The following GNAZ variants were observed in gnomAD, a reference collection of about 807,000 sequenced individuals.
GNAZ encodes G protein subunit alpha z.
In GNAZ, 3 loss-of-function variants were observed where a neutral mutation model predicts 25.4. The ratio of observed to expected loss-of-function variants is 0.12; its 90% CI spans 0.05 to 0.30. GNAZ has a LOEUF of 0.30. GNAZ is among the 10% of genes least tolerant of loss of function. The probability of loss-of-function intolerance (pLI) is 1.00; values close to 1 mark genes in which losing one functional copy is unlikely to be tolerated. For missense variants in GNAZ, 241 were observed against 501.8 expected (o/e 0.48, Z 4.97); for synonymous variants, 211 against 205.7 (o/e 1.03, Z -0.22).
chr22:23,075,262 C>CA (rs1374437595), intron 1 of GNAZ, among the ~76,000 whole-genome samples: 1 of 152,174 alleles, frequency 6.6e-6, no homozygotes, highest in African/African-American at 2.4e-5. Context: ...CCGCTGGAGT[C>CA]AGTCACACCC....
intron 1 of GNAZ, among the ~76,000 whole-genome samples, chr22:23,089,402 G>A (rs2068901538): frequency 6.6e-6 from 1 of 152,178 alleles, no homozygotes; most frequent in African/African-American, 2.4e-5. Flanking sequence ...GTCCTGGCGA[G>A]CTCAGGCTAT....
chr22:23,122,913 T>C (rs2070072882), intron 2 of GNAZ, among the ~76,000 whole-genome samples, 174 bp from the exon 3 acceptor site: 1 of 152,096 alleles, frequency 6.6e-6, no homozygotes, highest in Admixed American at 6.5e-5. Context: ...GCTATTTCCG[T>C]GGGAGGTGGG....
At chr22:23,109,423 T>A (rs761442386) in intron 2 of GNAZ, among the ~76,000 whole-genome samples, 1 of 151,738 alleles carries the variant, frequency 6.6e-6, no homozygotes, top group Non-Finnish European at 1.5e-5. Flanking sequence ...TTTTTGGGAG[T>A]CCTGAATCTG....
chr22:23,106,714 G>T (rs545754426), intron 2 of GNAZ, among the ~76,000 whole-genome samples: 1 of 152,342 alleles, frequency 6.6e-6, no homozygotes, highest in Admixed American at 6.5e-5. Context: ...AGAGCCTGGC[G>T]CAGGGCATGC....
At chr22:23,084,374 A>G (rs571757761) in intron 1 of GNAZ, among the ~76,000 whole-genome samples, 87 of 152,306 alleles carry the variant, frequency 5.7e-4, no homozygotes, top group Non-Finnish European at 9.4e-4. Flanking sequence ...CCTGCAGGCT[A>G]ATGTAAGTGT....
chr22:23,072,445 G>A (rs2068403484), intron 1 of GNAZ, among the ~76,000 whole-genome samples: 1 of 152,212 alleles, frequency 6.6e-6, no homozygotes, highest in South Asian at 2.1e-4. Flanking sequence ...TTCTGAGACA[G>A]GAGGTGAATA....
intron 1 of GNAZ, among the ~76,000 whole-genome samples, chr22:23,091,324 C>T (rs1010092806): frequency 1.3e-5 from 2 of 152,210 alleles, no homozygotes; most frequent in Admixed American, 6.5e-5. Context: ...GCACACATAC[C>T]GCAATGGACC....
At chr22:23,103,286 C>A (rs2069356390) in intron 2 of GNAZ, among the ~76,000 whole-genome samples, 2 of 152,200 alleles carry the variant, frequency 1.3e-5, no homozygotes, top group Non-Finnish European at 2.9e-5. Flanking sequence ...TCTACTCCTC[C>A]CCAGCCCCCG....
intron 2 of GNAZ, among the ~76,000 whole-genome samples, chr22:23,097,347 G>C (rs2069154638): frequency 6.6e-6 from 1 of 152,228 alleles, no homozygotes; most frequent in Admixed American, 6.5e-5. Context: ...GTTCAGCGGA[G>C]AGCAACAATG....
chr22:23,089,544 G>A (rs954919646), intron 1 of GNAZ, among the ~76,000 whole-genome samples: 4 of 152,182 alleles, frequency 2.6e-5, no homozygotes, highest in Non-Finnish European at 4.4e-5. Context: ...GGTCCCAAGA[G>A]AGGTGGCAGC....
At chr22:23,091,229 C>G (rs541867077) in intron 1 of GNAZ, among the ~76,000 whole-genome samples, 1 of 152,226 alleles carries the variant, frequency 6.6e-6, no homozygotes, top group African/African-American at 2.4e-5. Context: ...CAGACACATG[C>G]ACACACTGGC....
chr22:23,123,061 T>G (rs765858766), intron 2 of GNAZ, 26 bp from the exon 3 acceptor site: 2 of 1,516,444 alleles, frequency 1.3e-6, no homozygotes, highest in South Asian at 2.3e-5. Context: ...CGGGCCTGAT[T>G]AACGCCAGTA....
intron 1 of GNAZ, among the ~76,000 whole-genome samples, chr22:23,086,107 A>C (rs1055849825): frequency 1.2e-4 from 18 of 152,248 alleles, no homozygotes; most frequent in Non-Finnish European, 1.8e-4. Context: ...TTTCCACTGA[A>C]AGTAGGACTA....
chr22:23,084,732 G>A (rs896661896), intron 1 of GNAZ, among the ~76,000 whole-genome samples: 38 of 152,208 alleles, frequency 2.5e-4, no homozygotes, highest in African/African-American at 8.7e-4. Context: ...AAGGCCCAGT[G>A]GGGAGCTGGA....
intron 1 of GNAZ, among the ~76,000 whole-genome samples, chr22:23,085,097 T>C (rs2068782488): frequency 6.6e-6 from 1 of 152,146 alleles, no homozygotes. Context: ...CCACCTCAGA[T>C]AGGTGGACAT....
At chr22:23,101,348 G>A (rs917977449) in intron 2 of GNAZ, among the ~76,000 whole-genome samples, 2 of 152,134 alleles carry the variant, frequency 1.3e-5, no homozygotes, top group South Asian at 4.1e-4. Context: ...GTGGGTGCTG[G>A]GGTTCTCCAG....
chr22:23,072,743 G>T (rs1485284438), intron 1 of GNAZ, among the ~76,000 whole-genome samples: 3 of 151,702 alleles, frequency 2.0e-5, no homozygotes, highest in Non-Finnish European at 4.4e-5. Context: ...ATGTGACTGT[G>T]GGTTTGGGAC....
chr22:23,118,345 A>G (rs1348399020), intron 2 of GNAZ, among the ~76,000 whole-genome samples: 1 of 152,358 alleles, frequency 6.6e-6, no homozygotes, highest in East Asian at 1.9e-4. Flanking sequence ...TGTGCAGACA[A>G]ACCCCAGCCT....
intron 1 of GNAZ, among the ~76,000 whole-genome samples, chr22:23,087,623 T>C (rs138702706): frequency 6.6e-6 from 1 of 152,260 alleles, no homozygotes; most frequent in African/African-American, 2.4e-5. Context: ...TCCTGGAGCA[T>C]TCAGGAAGCA....
Sources: gnomAD v4.1 joint callset for allele counts (sites outside exome capture counted in the v4.1 genomes callset) on GRCh38, gnomAD v4.1.1 for gene constraint, MANE v1.5 for transcripts, NCBI Gene and HGNC (gene_info 2026-07-23, HGNC 2026-07-21) for gene names.